The following TBCE variants were observed in gnomAD, a reference collection of about 807,000 sequenced individuals.
The protein encoded by TBCE is tubulin-specific chaperone E.
A neutral mutation model predicts 77.0 loss-of-function variants in TBCE; 53 were observed. The ratio of observed to expected loss-of-function variants is 0.69; its 90% confidence interval spans 0.55 to 0.87. The LOEUF (loss-of-function observed/expected upper bound fraction) is 0.87. Among genes scored for constraint, TBCE ranks in the 40% least tolerant of loss-of-function variants. The pLI, the probability that TBCE is intolerant of heterozygous loss-of-function variation, is 0.00. For missense variants in TBCE, 624 were observed against 622.4 expected (o/e 1.00, Z -0.03); for synonymous variants, 235 against 241.3 (o/e 0.97, Z 0.24).
intron 2 of TBCE, among the ~76,000 whole-genome samples, chr1:235,397,379 T>A (rs774184577): frequency 6.6e-6 from 1 of 151,990 alleles, no homozygotes; most frequent in African/African-American, 2.4e-5. Flanking sequence ...TTTTTTGTAT[T>A]TTTTAGTAGA....
rs112472652 is a variant in TBCE, at chr1:235,448,034, C to T, written c.1400-315C>T. ...GACCAGCCTGGCCAACATGGTGAAA[C>T]CCCGTCTCTACTAAAAATACAAAAG... On this transcript the variant is annotated intron_variant, in intron 15 of 16. Transcript: ENST00000642610. 2.8e-3 allele frequency among the ~76,000 whole-genome samples: 429 copies of T among 152,116 alleles called. 3 individuals carry two copies. Among genetic ancestry groups the T allele is most frequent in the Non-Finnish European group, 5.0e-3 (337 of 67,986 alleles).
rs1226923578 is a variant in TBCE at position 235,380,161 on chromosome 1, T to TGG, written c.100+12_100+13insGG. Reference sequence around the variant, plus strand: ...CCCTCCCGTGGCAGGTAAGCAATTATTGTGTGTGTGTGTGTGTGTGTGTGT... The same window carrying TGG: ...CCCTCCCGTGGCAGGTAAGCAATTATGGTGTGTGTGTGTGTGTGTGTGTGTGT... On this transcript the variant is annotated intron_variant, in intron 2 of 16. Coordinates refer to ENST00000642610, the MANE Select transcript of TBCE (RefSeq NM_003193.5). 1.1e-5 allele frequency: 13 copies of TGG among 1,138,760 alleles called. No homozygotes were observed. The highest frequency in any genetic ancestry group is 1.4e-5 in the Non-Finnish European group (11 of 772,244). The allele number at this position is 1,138,760 out of a possible 1,614,324, so 70.5% of individuals were successfully genotyped here. A position where few individuals can be genotyped will look rare whatever the true frequency, so the allele number is the denominator to read the frequency against.
rs1266172654 is a variant in TBCE at position 235,448,884 on chromosome 1, A to ATAAC, written c.*123_*126dup. 1 of 754,880 alleles carries ATAAC rather than the reference A, an allele frequency of 1.3e-6. No homozygotes were observed. The highest frequency in any genetic ancestry group is 2.3e-6 in the Non-Finnish European group (1 of 435,430). 46.8% of individuals were successfully genotyped at this position (754,880 alleles called of 1,614,324 possible). A position where few individuals can be genotyped will look rare whatever the true frequency, so the allele number is the denominator to read the frequency against. ...AGGGGGTTTACAACTTGTCCTAAGTATAACAAGGGATGTATTTTTTGTTGG... is the reference window on the plus strand; with the variant it reads ...AGGGGGTTTACAACTTGTCCTAAGTATAACTAACAAGGGATGTATTTTTTGTTGG... On this transcript the variant is annotated 3_prime_UTR_variant, in exon 17 of 17. Transcript: ENST00000642610.
chr1:235,437,571 G>A, intron 12 of TBCE, 97 bp downstream of exon 12: 2 of 1,443,776 alleles, frequency 1.4e-6, no homozygotes, highest in Non-Finnish European at 1.9e-6. Flanking sequence ...CAGCACTTTG[G>A]GAGGCTGGGG....
At chr1:235,392,696 C>T (rs1380845914) in intron 2 of TBCE, among the ~76,000 whole-genome samples, 1 of 151,866 alleles carries the variant, frequency 6.6e-6, no homozygotes, top group Non-Finnish European at 1.5e-5. Flanking sequence ...CATGCCTGAG[C>T]CACCACGCCT....
At chr1:235,444,428 T>C (rs1375400691) in intron 15 of TBCE, among the ~76,000 whole-genome samples, 1 of 152,164 alleles carries the variant, frequency 6.6e-6, no homozygotes, top group Non-Finnish European at 1.5e-5. Context: ...AGATGGGGTC[T>C]GGCTGTCACT....
At chr1:235,430,577 TA>T in intron 6 of TBCE, 127 bp from the exon 7 acceptor site, 1 of 666,200 alleles carries the variant, frequency 1.5e-6, no homozygotes, top group Non-Finnish European at 2.6e-6. Flanking sequence ...TTTTAAAATA[TA>T]ATTCCATTTT....
Position 235,386,872 on chromosome 1 carries a change from G to A in TBCE, c.100+6723G>A, listed in dbSNP as rs528970375. 1.7e-3 allele frequency among the ~76,000 whole-genome samples: 265 copies of A among 152,254 alleles called. 2 individuals are homozygous for A. The highest frequency in any genetic ancestry group is 6.0e-3 in the African/African-American group (248 of 41,538). ...TGTGTTCCTTTGGAGGAGGAGAGGCGCTCTGCTTTTTAGAGTTTCCAGTTT... is the reference window on the plus strand; with the variant it reads ...TGTGTTCCTTTGGAGGAGGAGAGGCACTCTGCTTTTTAGAGTTTCCAGTTT... On this transcript the variant is annotated intron_variant, in intron 2 of 16. Coordinates refer to ENST00000642610, the MANE Select transcript of TBCE (RefSeq NM_003193.5).
chr1:235,450,306 G>C lies in TBCE; in HGVS notation c.*1544G>C. 6.2e-7 allele frequency: 1 copy of C among 1,613,958 alleles called. No individual in the cohort carries two copies. Among genetic ancestry groups the C allele is most frequent in the Non-Finnish European group, 8.5e-7 (1 of 1,179,802 alleles). ...ATACTGAGGAGAAGACAGCATTCCT[G>C]TCTCACAGGTCTTCTCACACAGCCA... is the stretch of plus-strand genomic sequence containing the variant. On this transcript the variant is annotated 3_prime_UTR_variant, in exon 17 of 17. Coordinates refer to ENST00000642610, the MANE Select transcript of TBCE (RefSeq NM_003193.5).
At position 235,448,737 on chromosome 1, in the gene TBCE, G is replaced by GAGAT. The variant is rs1682669597; in HGVS notation, c.1560_1563dup (p.Cys522ArgfsTer12). On this transcript the variant is annotated frameshift_variant, in exon 17 of 17. Transcript: ENST00000642610. LOFTEE classifies it high-confidence loss of function. ...TTACAGTTTTATTCTGTGGAAAATGGAGATTGTCTATTAGTGCGATGGTGA... is the reference window on the plus strand; with the variant it reads ...TTACAGTTTTATTCTGTGGAAAATGGAGATAGATTGTCTATTAGTGCGATGGTGA... 1.9e-6 allele frequency: 3 copies of GAGAT among 1,613,804 alleles called. No individual in the cohort carries two copies. In the African/African-American group the frequency reaches 4.0e-5, roughly 22 times the overall value.
chr1:235,390,198 T>C (rs2102833934), intron 2 of TBCE, among the ~76,000 whole-genome samples: 1 of 152,210 alleles, frequency 6.6e-6, no homozygotes, highest in Non-Finnish European at 1.5e-5. Flanking sequence ...ATTGGAGATA[T>C]TATTTCCTGT....
At chr1:235,414,382 C>A in intron 3 of TBCE, 51 bp from the exon 4 acceptor site, 1 of 1,583,036 alleles carries the variant, frequency 6.3e-7, no homozygotes, top group Non-Finnish European at 8.6e-7. Context: ...GTATTTATGG[C>A]CTTTCTTGGT....
At chr1:235,424,890 T>C (rs1680619489) in intron 5 of TBCE, among the ~76,000 whole-genome samples, 1 of 152,250 alleles carries the variant, frequency 6.6e-6, no homozygotes, top group African/African-American at 2.4e-5. Context: ...ATCCGCCCAC[T>C]TTGGCCTCTC....
intron 4 of TBCE, chr1:235,414,907 C>T (rs548404648): frequency 1.9e-5 from 7 of 370,408 alleles, no homozygotes; most frequent in Non-Finnish European, 2.6e-5. Flanking sequence ...CCAAGGCTGA[C>T]GTTTGGGTTC....
chr1:235,414,959 C>T, intron 4 of TBCE: 1 of 346,288 alleles, frequency 2.9e-6, no homozygotes, highest in Non-Finnish European at 5.6e-6. Context: ...GGAATGGAAA[C>T]AGCAGTCTGA....
chr1:235,419,441 A>G (rs1480631455), intron 4 of TBCE, 32 bp from the exon 5 acceptor site: 1 of 1,614,082 alleles, frequency 6.2e-7, no homozygotes, highest in East Asian at 2.2e-5. Flanking sequence ...ATACGTGCTT[A>G]TGTATCCATG....
chr1:235,389,887 G>T (rs188066256), intron 2 of TBCE, among the ~76,000 whole-genome samples: 4 of 152,206 alleles, frequency 2.6e-5, no homozygotes, highest in Non-Finnish European at 5.9e-5. Flanking sequence ...ACTTCAGGAA[G>T]CCAAGGCTGT....
Position 235,414,589 on chromosome 1 carries a change from C to G in TBCE, c.342C>G (p.Ile114Met). 1 of 1,613,638 alleles carries G rather than the reference C, an allele frequency of 6.2e-7. No individual in the cohort carries two copies. Among genetic ancestry groups the G allele is most frequent in the Non-Finnish European group, 8.5e-7 (1 of 1,179,948 alleles). ...TTGGAAATAAACCTGTGGAGACTATCGGTTTTGACTCTATTATGAAACAGC... is the reference window on the plus strand; with the variant it reads ...TTGGAAATAAACCTGTGGAGACTATGGGTTTTGACTCTATTATGAAACAGC... ...VTIGNKPVET[I>M]GFDSIMKQQS... The change falls in exon 4 of 17, where the codon ATC becomes ATG. Residue 114 changes from isoleucine to methionine, a missense_variant. Physicochemically the swap from Ile to Met is conservative, Grantham distance 10. Coordinates refer to ENST00000642610, the MANE Select transcript of TBCE (RefSeq NM_003193.5).
At chr1:235,414,712 T>G in intron 4 of TBCE, 94 bp downstream of exon 4, 2 of 1,284,806 alleles carry the variant, frequency 1.6e-6, no homozygotes, top group Non-Finnish European at 2.2e-6. Flanking sequence ...GCTCATGACT[T>G]TGCTCCTAAA....
Sources: gnomAD v4.1 joint callset for allele counts (sites outside exome capture counted in the v4.1 genomes callset) on GRCh38, gnomAD v4.1.1 for gene constraint, MANE v1.5 for transcripts, NCBI Gene and HGNC (gene_info 2026-07-23, HGNC 2026-07-21) for gene names.